The following SYNDIG1L variants were observed in gnomAD, a reference collection of about 807,000 sequenced individuals.
The protein encoded by SYNDIG1L is synapse differentiation inducing 1 like, also known as synapse differentiation-inducing gene protein 1-like.
Under a neutral mutation model 20.1 loss-of-function variants are expected in SYNDIG1L, and 13 were observed. The ratio of observed to expected loss-of-function variants is 0.65; its 90% CI spans 0.42 to 1.03. The LOEUF is 1.03. Among genes scored for constraint, SYNDIG1L ranks in the 50% least tolerant of loss-of-function variants. The probability of loss-of-function intolerance (pLI) is 0.00; values close to 1 mark genes in which losing one functional copy is unlikely to be tolerated. For missense variants in SYNDIG1L, 294 were observed against 305.1 expected (o/e 0.96, Z 0.27); for synonymous variants, 128 against 129.3 (o/e 0.99, Z 0.07).
the SYNDIG1L span, among the ~76,000 whole-genome samples, chr14:74,444,311 C>T: frequency 2.0e-5 from 3 of 151,958 alleles, no homozygotes; most frequent in African/African-American, 7.2e-5. Context: ...CTGCCCACCT[C>T]GGCCTCCCAA....
At chr14:74,420,257 G>A (rs1294888266) in intron 1 of SYNDIG1L, among the ~76,000 whole-genome samples, 2 of 151,922 alleles carry the variant, frequency 1.3e-5, no homozygotes, top group African/African-American at 4.8e-5. Flanking sequence ...TTAACCAGGT[G>A]TGGTGGCGTG....
intron 1 of SYNDIG1L, among the ~76,000 whole-genome samples, chr14:74,413,256 C>T (rs1267790493): frequency 2.6e-5 from 4 of 152,186 alleles, no homozygotes; most frequent in African/African-American, 9.7e-5. Context: ...CTCCCTTGGG[C>T]TCTGATGGTG....
chr14:74,448,557 A>G, the SYNDIG1L span, among the ~76,000 whole-genome samples: 2 of 152,188 alleles, frequency 1.3e-5, no homozygotes, highest in East Asian at 3.8e-4. Context: ...AAAAATTTTA[A>G]TACAGCAACC....
At chr14:74,454,450 AGGTATG>A in the SYNDIG1L span, among the ~76,000 whole-genome samples, 3 of 152,210 alleles carry the variant, frequency 2.0e-5, no homozygotes, top group African/African-American at 7.2e-5. Flanking sequence ...ACTCAGACAC[AGGTATG>A]CAGTGTAAGA....
chr14:74,459,662 G>T, the SYNDIG1L span, among the ~76,000 whole-genome samples: 3 of 152,176 alleles, frequency 2.0e-5, no homozygotes, highest in African/African-American at 7.2e-5. Context: ...AGGAGCCTGT[G>T]GGGGGACATG....
At chr14:74,440,930 C>T in the SYNDIG1L span, among the ~76,000 whole-genome samples, 5 of 152,218 alleles carry the variant, frequency 3.3e-5, no homozygotes, top group African/African-American at 1.2e-4. Flanking sequence ...CCTCATGGAC[C>T]TTGTAATTTT....
chr14:74,416,814 G>A (rs2086179618), intron 1 of SYNDIG1L, among the ~76,000 whole-genome samples: 1 of 152,220 alleles, frequency 6.6e-6, no homozygotes, highest in East Asian at 1.9e-4. Context: ...TCCAGACACT[G>A]TTCTAAATGC....
the SYNDIG1L span, among the ~76,000 whole-genome samples, chr14:74,454,335 T>C: frequency 2.0e-5 from 3 of 152,246 alleles, no homozygotes; most frequent in African/African-American, 7.2e-5. Flanking sequence ...AAGGTTTTGA[T>C]AAGCAGTTAG....
chr14:74,464,463 G>A, the SYNDIG1L span, among the ~76,000 whole-genome samples: 27 of 152,120 alleles, frequency 1.8e-4, no homozygotes, highest in Admixed American at 1.4e-3. Context: ...GTCTGGCACA[G>A]GGTATAGGTT....
the SYNDIG1L span, among the ~76,000 whole-genome samples, chr14:74,446,131 G>T: frequency 6.6e-6 from 1 of 152,126 alleles, no homozygotes; most frequent in African/African-American, 2.4e-5. Context: ...AAGAACGAAA[G>T]AAGCAACTCA....
the SYNDIG1L span, chr14:74,474,482 C>A: frequency 6.6e-6 from 1 of 152,280 alleles, no homozygotes; most frequent in African/African-American, 2.4e-5. Flanking sequence ...GGTCTGCTTT[C>A]TCTCTTTCTC....
At chr14:74,436,163 G>T in the SYNDIG1L span, among the ~76,000 whole-genome samples, 1 of 151,874 alleles carries the variant, frequency 6.6e-6, no homozygotes, top group African/African-American at 2.4e-5. Flanking sequence ...TAACAAGTCT[G>T]GGTTCTCCAG....
chr14:74,424,298 C>G (rs992399256), intron 1 of SYNDIG1L, among the ~76,000 whole-genome samples: 1 of 152,190 alleles, frequency 6.6e-6, no homozygotes, highest in East Asian at 1.9e-4. Flanking sequence ...CCTGAGACAG[C>G]GGCGGATCTG....
intron 1 of SYNDIG1L, among the ~76,000 whole-genome samples, chr14:74,419,620 C>T (rs1234754913): frequency 1.3e-5 from 2 of 152,208 alleles, no homozygotes; most frequent in East Asian, 3.9e-4. Context: ...AAAACACAGA[C>T]TAGCAAATAC....
At chr14:74,456,552 C>CATAAA in the SYNDIG1L span, among the ~76,000 whole-genome samples, 1,481 of 152,136 alleles carry the variant, frequency 9.7e-3, 27 homozygotes, top group African/African-American at 0.033. Flanking sequence ...AACAAAAACC[C>CATAAA]ATAAAATAAA....
At chr14:74,408,188 T>A (rs2086100001) in intron 2 of SYNDIG1L, among the ~76,000 whole-genome samples, 199 bp from the exon 3 acceptor site, 1 of 152,204 alleles carries the variant, frequency 6.6e-6, no homozygotes, top group African/African-American at 2.4e-5. Context: ...ATTCCACTTT[T>A]AGGAATTTAT....
At chr14:74,412,596 G>A (rs949550765) in intron 1 of SYNDIG1L, among the ~76,000 whole-genome samples, 21 of 152,322 alleles carry the variant, frequency 1.4e-4, no homozygotes, top group African/African-American at 5.1e-4. Flanking sequence ...TCGGGGGTAG[G>A]TGAACACATG....
upstream of SYNDIG1L, among the ~76,000 whole-genome samples, chr14:74,431,156 C>T (rs1025473557): frequency 2.6e-5 from 4 of 152,144 alleles, no homozygotes; most frequent in Admixed American, 1.3e-4. Flanking sequence ...CTGCAAATCC[C>T]TGATTGGAGC....
At chr14:74,417,680 G>A (rs957337493) in intron 1 of SYNDIG1L, among the ~76,000 whole-genome samples, 19 of 152,168 alleles carry the variant, frequency 1.2e-4, no homozygotes, top group African/African-American at 4.6e-4. Context: ...TTAGTCTAAA[G>A]CCTGGGCTCT....
Sources: allele counts gnomAD v4.1 joint callset (sites outside exome capture counted in the v4.1 genomes callset), GRCh38; gene constraint gnomAD v4.1.1; transcripts MANE v1.5; gene names NCBI Gene and HGNC (gene_info 2026-07-23, HGNC 2026-07-21).